ATRX: variants seen among roughly 807,000 people sequenced by gnomAD.
ATRX encodes the protein ATRX chromatin remodeler.
In ATRX, 12 loss-of-function variants were observed where a neutral mutation model predicts 172.6. The observed-to-expected ratio is 0.07, with a 90% CI of 0.04 to 0.11. The LOEUF is 0.11. ATRX is among the 10% of genes least tolerant of loss of function. The pLI, the probability that ATRX is intolerant of heterozygous loss-of-function variation, is 1.00. For missense variants in ATRX, 1,368 were observed against 1,767.4 expected (o/e 0.77, Z 4.05); for synonymous variants, 674 against 594.7 (o/e 1.13, Z -1.94).
chrX:77,610,850 T>C (rs1557093591), intron 22 of ATRX, among the ~76,000 whole-genome samples: 3 of 108,914 alleles, frequency 2.8e-5, no homozygotes, highest in Non-Finnish European at 5.7e-5. Flanking sequence ...TGGGTTAATT[T>C]TCAATTTTTC....
In ATRX at chrX:77,683,735, G is replaced by T. The variant is rs192674093; in HGVS notation, c.1521C>A (p.Ala507=). The change falls in exon 9 of 35, where the codon GCC becomes GCA. Residue 507 remains alanine (A), a synonymous_variant. Transcript: ENST00000373344. ...CCATGTCTAAATCTTCAGAAGTGTT[G>T]GCAGGTTCATATTGAGGTTCTTCTT... ...DRKEEPQYEP[A]NTSEDLDMDI... The T allele has an allele frequency of 8.3e-7, 1 of 1,208,927 alleles. No individual in the cohort carries two copies. The highest frequency in any genetic ancestry group is 1.8e-5 in the African/African-American group (1 of 57,060).
chrX:77,513,084 G>A (rs181123061), intron 34 of ATRX, among the ~76,000 whole-genome samples: 3,263 of 109,614 alleles, frequency 0.03, 63 homozygotes, highest in East Asian at 0.086. Flanking sequence ...TTGGGAGGCC[G>A]AGGCGGGAGG....
chrX:77,751,588 C>T (rs1387336739), intron 1 of ATRX, among the ~76,000 whole-genome samples: 4 of 112,146 alleles, frequency 3.6e-5, no homozygotes, highest in Non-Finnish European at 5.6e-5. Context: ...GAAGTCTTTG[C>T]CCATGCCTAT....
chrX:77,623,868 A>G (rs2067700526), intron 19 of ATRX, among the ~76,000 whole-genome samples: 1 of 111,859 alleles, frequency 8.9e-6, no homozygotes, highest in Admixed American at 9.5e-5. Context: ...TATGATTAAA[A>G]CCCTCAGCAA....
chrX:77,538,222 C>T lies in ATRX; in HGVS notation c.6700-14821G>A, dbSNP rs868968768. 8.6e-5 allele frequency among the ~76,000 whole-genome samples: 8 copies of T among 92,943 alleles called. No individual in the cohort carries two copies. In the Admixed American group the frequency reaches 8.8e-4, roughly 10 times the overall value. The allele number at this position is 92,943 out of a possible 115,157, so 80.7% of individuals were successfully genotyped here. A position where few individuals can be genotyped will look rare whatever the true frequency, so the allele number is the denominator to read the frequency against. On this transcript the variant is annotated intron_variant, in intron 30 of 34. Coordinates refer to ENST00000373344, the MANE Select transcript of ATRX (RefSeq NM_000489.6). ...GGATAAAAAAGGAAATGTGTGTATA[C>T]ACACACAAACACACACACACACACA...
At chrX:77,782,101 C>A (rs1206904297) in intron 1 of ATRX, among the ~76,000 whole-genome samples, 2 of 111,945 alleles carry the variant, frequency 1.8e-5, no homozygotes, top group African/African-American at 6.5e-5. Flanking sequence ...TCTTTTCACC[C>A]CAACCCATTA....
rs1406540242 is a variant in ATRX at position 77,681,994 on chromosome X, C to T, written c.3262G>A (p.Gly1088Ser). ...EDKKSKNGAY[G>S]REKKRCKLLG... ...AACTTGCACCTTTTCTTCTCTCTAC[C>T]ATATGCTCCATTCTTACTCTTTTTA... Residue 1088 changes from glycine (G) to serine (S), a missense_variant, in exon 9 of 35, where the codon GGT becomes AGT. By Grantham distance (56) the Gly-to-Ser change is moderately conservative (BLOSUM62 0). This residue lies in a region of ATRX where 843 missense variants were observed against 643.1 expected (regional missense o/e 1.31). Coordinates refer to ENST00000373344, the MANE Select transcript of ATRX (RefSeq NM_000489.6). 8.3e-7 allele frequency: 1 copy of T among 1,210,594 alleles called. No individual in the cohort carries two copies. The highest frequency in any genetic ancestry group is 1.8e-5 in the South Asian group (1 of 56,963).
chrX:77,692,892 T>TGTGTGTGTG (rs1557147808), intron 6 of ATRX, among the ~76,000 whole-genome samples: 3 of 101,950 alleles, frequency 2.9e-5, no homozygotes, highest in East Asian at 3.0e-4. Flanking sequence ...TGTGTGTGTG[T>TGTGTGTGTG]TTTAATTTTT....
chrX:77,693,431 A>G (rs782530500), intron 6 of ATRX, among the ~76,000 whole-genome samples: 14 of 112,173 alleles, frequency 1.2e-4, no homozygotes, highest in Non-Finnish European at 2.1e-4. Context: ...ACCCCAACTA[A>G]TACTAATGCA....
At chrX:77,713,463 G>C (rs1324624513) in intron 2 of ATRX, among the ~76,000 whole-genome samples, 1 of 111,349 alleles carries the variant, frequency 9.0e-6, no homozygotes, top group Non-Finnish European at 1.9e-5. Flanking sequence ...GGGGAACAGA[G>C]AATGGAAAGC....
intron 10 of ATRX, 78 bp from the exon 11 acceptor site, chrX:77,664,856 T>A (rs1161320867): frequency 3.2e-6 from 3 of 927,204 alleles, no homozygotes; most frequent in Non-Finnish European, 4.4e-6. Context: ...AAAACAGACT[T>A]CTTTGAATCA....
At chrX:77,577,727 A>C (rs985695923) in intron 27 of ATRX, among the ~76,000 whole-genome samples, 19 of 111,838 alleles carry the variant, frequency 1.7e-4, no homozygotes, top group African/African-American at 6.2e-4. Flanking sequence ...AATTCCAAAA[A>C]ACAGAAACAG....
intron 1 of ATRX, among the ~76,000 whole-genome samples, chrX:77,773,092 T>TAAAAAAAAAAAA (rs782649057): frequency 2.7e-5 from 1 of 37,358 alleles, no homozygotes; most frequent in Non-Finnish European, 4.2e-5. Context: ...AAATTTCAGC[T>TAAAAAAAAAAAA]AAAAAAAAAA....
rs45533940 is a variant in ATRX at position 77,574,843 on chromosome X, G to A, written c.6218-485C>T. ...GTGCCAAAAATTATTCTATGGGGTA[G>A]CTGCAAATTTCAGTGTACGTTTCCA... On this transcript the variant is annotated intron_variant, in intron 27 of 34. Transcript: ENST00000373344. 2.7e-5 allele frequency among the ~76,000 whole-genome samples: 3 copies of A among 111,033 alleles called. No individual in the cohort carries two copies. In the East Asian group the frequency reaches 8.5e-4, roughly 31 times the overall value.
At chrX:77,530,472 G>C (rs1368539673) in intron 30 of ATRX, among the ~76,000 whole-genome samples, 2 of 110,747 alleles carry the variant, frequency 1.8e-5, no homozygotes, top group Admixed American at 9.6e-5. Context: ...AGCCAGGCGT[G>C]GTGGCAGGTA....
rs188346389 is a variant in ATRX, at chrX:77,741,500, C to T, written c.21-24257G>A. ...GTTTTGAGATGGAGTCTTGCGCTCTCGCCCAGGTTCTAGTGCAGTGGCACG... is the reference window on the plus strand; with the variant it reads ...GTTTTGAGATGGAGTCTTGCGCTCTTGCCCAGGTTCTAGTGCAGTGGCACG... On this transcript the variant is annotated intron_variant, in intron 1 of 34. Transcript: ENST00000373344. 3.3e-3 allele frequency among the ~76,000 whole-genome samples: 367 copies of T among 110,491 alleles called. 4 individuals are homozygous for T. Among genetic ancestry groups the T allele is most frequent in the African/African-American group, 0.012 (362 of 30,396 alleles).
intron 10 of ATRX, chrX:77,675,715 C>T (rs1557133064): frequency 8.5e-6 from 1 of 117,436 alleles, no homozygotes; most frequent in Non-Finnish European, 1.8e-5. Flanking sequence ...TAAACTCTAA[C>T]TCAGTCTAGA....
chrX:77,651,124 G>A (rs2069198637), intron 15 of ATRX, among the ~76,000 whole-genome samples: 1 of 100,236 alleles, frequency 1.0e-5, no homozygotes, highest in Non-Finnish European at 2.0e-5. Context: ...GGCTGAGACA[G>A]GAGAATCACT....
chrX:77,725,422 G>T (rs376385189), intron 1 of ATRX, among the ~76,000 whole-genome samples: 85 of 111,856 alleles, frequency 7.6e-4, no homozygotes, highest in African/African-American at 1.6e-3. Flanking sequence ...TAGCCATATG[G>T]AGAAAGCTGA....
Sources: gnomAD v4.1 joint callset for allele counts (sites outside exome capture counted in the v4.1 genomes callset) on GRCh38, gnomAD v4.1.1 for gene constraint, gnomAD v4.1.1 regional missense constraint, MANE v1.5 for transcripts, NCBI Gene and HGNC (gene_info 2026-07-23, HGNC 2026-07-21) for gene names.